MSL2: variants seen among roughly 807,000 people sequenced by gnomAD.
The protein encoded by MSL2 is MSL complex subunit 2.
In MSL2, 2 loss-of-function variants were observed where a neutral mutation model predicts 35.8. The observed-to-expected ratio is 0.06, with a 90% CI of 0.02 to 0.18. MSL2 has a LOEUF of 0.18. Ranked by LOEUF, MSL2 falls within the 10% of genes least tolerant of loss-of-function variation. MSL2 has a pLI of 1.00. For synonymous variants in MSL2, 296 were observed against 255.7 expected, an observed-to-expected ratio of 1.16 and a Z score of -1.50; for missense variants, 523 against 706.7, an observed-to-expected ratio of 0.74 and a Z score of 2.95.
At chr3:136,181,400 A>G (rs1310031177) in intron 1 of MSL2, among the ~76,000 whole-genome samples, 1 of 152,186 alleles carries the variant, frequency 6.6e-6, no homozygotes, top group Non-Finnish European at 1.5e-5. Flanking sequence ...TTACAGCACC[A>G]CTAATTTGTC....
At chr3:136,161,898 GA>G (rs1404411517) in intron 1 of MSL2, among the ~76,000 whole-genome samples, 2 of 151,878 alleles carry the variant, frequency 1.3e-5, no homozygotes, top group Admixed American at 6.6e-5. Flanking sequence ...TTCATCTAAG[GA>G]AGGACACAAG....
At chr3:136,163,977 A>C (rs566698553) in intron 1 of MSL2, among the ~76,000 whole-genome samples, 54 of 152,344 alleles carry the variant, frequency 3.5e-4, no homozygotes, top group African/African-American at 1.3e-3. Context: ...TAAATTACCC[A>C]GTCTCAGGCA....
intron 1 of MSL2, among the ~76,000 whole-genome samples, chr3:136,178,022 G>C (rs1430371366): frequency 6.6e-6 from 1 of 152,010 alleles, no homozygotes; most frequent in Non-Finnish European, 1.5e-5. Flanking sequence ...AGTTTCACCA[G>C]TCAACTACCA....
chr3:136,151,992 T>G lies in MSL2; in HGVS notation c.889A>C (p.Thr297Pro). 6.2e-7 allele frequency: 1 copy of G among 1,614,220 alleles called. No homozygotes were observed. Among genetic ancestry groups the G allele is most frequent in the Non-Finnish European group, 8.5e-7 (1 of 1,180,036 alleles). The stretch of plus-strand genomic sequence containing the variant: ...TGCAGAAAAGGTCCATTGGATACAG[T>G]GGCTTCCAAGTTCGGCTGCAAATTA... The part of the protein sequence containing the change: ...CPNLQPNLEA[T>P]VSNGPFLQLS... The change falls in exon 2 of 2, where the codon ACT becomes CCT. Residue 297 changes from threonine (T) to proline (P), a missense_variant. Coordinates refer to ENST00000309993, the MANE Select transcript of MSL2 (RefSeq NM_018133.4). The surrounding 1 kb of genome is among the most constrained non-coding windows in gnomAD (Gnocchi z 5.2).
At position 136,195,372 on chromosome 3, in the gene MSL2, G is replaced by C. The variant is rs1940806034; in HGVS notation, c.-259C>G. On this transcript the variant is annotated 5_prime_UTR_variant, in exon 1 of 2. Coordinates refer to ENST00000309993, the MANE Select transcript of MSL2 (RefSeq NM_018133.4). ...AGAAACCAGCGTTCGAGTTCGTCCGGAGCGACCACAGAGCGCAGAACGCGG... is the reference window on the plus strand; with the variant it reads ...AGAAACCAGCGTTCGAGTTCGTCCGCAGCGACCACAGAGCGCAGAACGCGG... The C allele has an allele frequency of 8.1e-7, 1 of 1,227,756 alleles. No homozygotes were observed. The highest frequency in any genetic ancestry group is 2.0e-5 in the South Asian group (1 of 48,862). 76.1% of individuals were successfully genotyped at this position (1,227,756 alleles called of 1,614,324 possible).
At chr3:136,178,738 T>C (rs1940252946) in intron 1 of MSL2, among the ~76,000 whole-genome samples, 1 of 72,300 alleles carries the variant, frequency 1.4e-5, no homozygotes, top group African/African-American at 5.8e-5. Context: ...TTTCACCATG[T>C]TGGCCAGGCT....
intron 1 of MSL2, among the ~76,000 whole-genome samples, 154 bp downstream of exon 1, chr3:136,194,818 C>A (rs934698969): frequency 6.6e-6 from 1 of 152,100 alleles, no homozygotes; most frequent in Non-Finnish European, 1.5e-5. Context: ...GGGCAAAAGT[C>A]CCTCAGCAAG....
intron 1 of MSL2, among the ~76,000 whole-genome samples, chr3:136,164,309 TCTTCTATGAGGTTTTAGAAGAGTAACC>T (rs1273455486): frequency 2.6e-5 from 4 of 152,212 alleles, no homozygotes; most frequent in Non-Finnish European, 5.9e-5. Context: ...ATGTCTTTAG[TCTTCTATGAGGTTTTAGAAGAGTAACC>T]ATGCCAACTG....
chr3:136,182,804 G>A (rs894468111), intron 1 of MSL2, among the ~76,000 whole-genome samples: 9 of 152,048 alleles, frequency 5.9e-5, no homozygotes, highest in Non-Finnish European at 2.9e-5. Context: ...TAGCACATGC[G>A]TATAAACTAC....
intron 1 of MSL2, among the ~76,000 whole-genome samples, chr3:136,189,505 A>T (rs1940622602): frequency 6.7e-6 from 1 of 149,160 alleles, no homozygotes; most frequent in South Asian, 2.2e-4. Context: ...CGGGCGGATC[A>T]CGAGGTCAGG....
chr3:136,150,542 T>A lies in MSL2; in HGVS notation c.*605A>T. ...TGTAGTCTGACAGAATTTTACTTTT[T>A]AAAAAGATTTCTTAAACATTCTAAT... On this transcript the variant is annotated 3_prime_UTR_variant, in exon 2 of 2. Coordinates refer to ENST00000309993, the MANE Select transcript of MSL2 (RefSeq NM_018133.4). 6.5e-6 allele frequency: 1 copy of A among 152,720 alleles called. No individual in the cohort carries two copies. Among genetic ancestry groups the A allele is most frequent in the Non-Finnish European group, 1.5e-5 (1 of 68,098 alleles). The allele number at this position is 152,720 out of a possible 1,614,324, so 9.5% of individuals were successfully genotyped here.
At chr3:136,159,354 C>CTTTTTTTTTTTTTTTTTTTTTT (rs71157361) in intron 1 of MSL2, among the ~76,000 whole-genome samples, 7 of 70,054 alleles carry the variant, frequency 1.0e-4, no homozygotes, top group African/African-American at 3.9e-4. Flanking sequence ...AGAGTACTTT[C>CTTTTTTTTTTTTTTTTTTTTTT]TTTTTTTTTT....
Position 136,181,686 on chromosome 3 carries a change from A to C in MSL2, c.142+13286T>G, listed in dbSNP as rs368386054. ...GTAATCTGAGCACTTTGGGAGGCTG[A>C]GGCAGGTGGATCACCTGAGGTCAGG... On this transcript the variant is annotated intron_variant, in intron 1 of 1. Coordinates refer to ENST00000309993, the MANE Select transcript of MSL2 (RefSeq NM_018133.4). 2.2e-4 allele frequency among the ~76,000 whole-genome samples: 33 copies of C among 152,244 alleles called. No homozygotes were observed. The East Asian group carries it at 5.8e-3, about 27-fold the overall frequency.
intron 1 of MSL2, among the ~76,000 whole-genome samples, chr3:136,188,262 C>A (rs932911429): frequency 6.6e-6 from 1 of 151,922 alleles, no homozygotes; most frequent in Non-Finnish European, 1.5e-5. Flanking sequence ...GGTGAAACTC[C>A]GTGTCTACTA....
chr3:136,180,176 T>A (rs1157546632), intron 1 of MSL2, among the ~76,000 whole-genome samples: 1 of 152,226 alleles, frequency 6.6e-6, no homozygotes, highest in East Asian at 1.9e-4. Flanking sequence ...ACTGCCTATG[T>A]ACCCTGATAT....
At position 136,180,796 on chromosome 3, in the gene MSL2, G is replaced by GGGAA. The variant is rs1241382073; in HGVS notation, c.142+14175_142+14176insTTCC. Among the ~76,000 whole-genome samples the GGGAA allele has an allele frequency of 4.6e-3, 197 of 42,852 alleles. 3 individuals are homozygous for GGGAA. The highest frequency in any genetic ancestry group is 8.4e-3 in the Admixed American group (29 of 3,450). 28.1% of individuals were successfully genotyped at this position (42,852 alleles called of 152,430 possible). On this transcript the variant is annotated intron_variant, in intron 1 of 1. Transcript: ENST00000309993. The stretch of plus-strand genomic sequence containing the variant: ...AGGGAGGGAGGGAGGGAGGGAGGGA[G>GGGAA]GGAGGGAGGGAGGGAAGGAGGGAAG...
intron 1 of MSL2, among the ~76,000 whole-genome samples, chr3:136,154,219 T>A (rs1268435268): frequency 6.6e-6 from 1 of 152,072 alleles, no homozygotes; most frequent in Non-Finnish European, 1.5e-5. Flanking sequence ...ATATTTAAAC[T>A]TATTAAAGAA....
At chr3:136,152,978 T>C (rs1211184753) in intron 1 of MSL2, 3 of 985,278 alleles carry the variant, frequency 3.0e-6, no homozygotes, top group African/African-American at 3.5e-5. Flanking sequence ...TGTGTCTCTC[T>C]CCCCAAGCAA....
At chr3:136,186,381 T>G (rs1179914834) in intron 1 of MSL2, among the ~76,000 whole-genome samples, 1 of 152,198 alleles carries the variant, frequency 6.6e-6, no homozygotes, top group Non-Finnish European at 1.5e-5. Context: ...TCCTCTATTC[T>G]TCTAATCAGG....
Sources: gnomAD v4.1 joint callset for allele counts (sites outside exome capture counted in the v4.1 genomes callset) on GRCh38, gnomAD v4.1.1 for gene constraint, Gnocchi (gnomAD v3.1) non-coding constraint, MANE v1.5 for transcripts, NCBI Gene and HGNC (gene_info 2026-07-23, HGNC 2026-07-21) for gene names.